DHRSX: variants seen among roughly 807,000 people sequenced by gnomAD.
DHRSX encodes the protein dehydrogenase/reductase X-linked, also known as polyprenol dehydrogenase.
In DHRSX, 31 loss-of-function variants were observed where a neutral mutation model predicts 34.0. That is an observed-to-expected ratio of 0.91 (90% CI 0.69 to 1.23). The LOEUF (loss-of-function observed/expected upper bound fraction) is 1.23, where lower values mean the gene tolerates loss of function less well. Among genes scored for constraint, DHRSX ranks in the 50% most tolerant of loss-of-function variants. The pLI is 0.00. For synonymous variants in DHRSX, 201 were observed against 183.8 expected (o/e 1.09, Z -0.76); for missense variants, 414 against 428.1 (o/e 0.97, Z 0.29).
rs2015501322 is a variant in DHRSX at position 2,220,714 on chromosome X, G to T, written c.*327C>A. The T allele has an allele frequency of 9.6e-6, 3 of 311,956 alleles. No individual in the cohort carries two copies. In the South Asian group the frequency reaches 2.9e-4, roughly 30 times the overall value. 19.3% of individuals were successfully genotyped at this position (311,956 alleles called of 1,614,324 possible). The stretch of plus-strand genomic sequence containing the variant: ...CCCTGAAAAGAGAGCATCTCTCTTG[G>T]AACTTTTGTACTCAGTTGTATTAAC... On this transcript the variant is annotated 3_prime_UTR_variant, in exon 7 of 7. Transcript: ENST00000334651.
chrX:2,362,816 TATC>T (rs1461190738), intron 3 of DHRSX, among the ~76,000 whole-genome samples: 1 of 143,474 alleles, frequency 7.0e-6, no homozygotes, highest in Non-Finnish European at 1.5e-5. Context: ...CGTTCTATGG[TATC>T]ATGCCTCCAT....
At chrX:2,394,565 G>C (rs1370295647) in intron 3 of DHRSX, among the ~76,000 whole-genome samples, 4 of 152,282 alleles carry the variant, frequency 2.6e-5, no homozygotes, top group African/African-American at 9.6e-5. Flanking sequence ...AGCTACAGAT[G>C]AGGATAAGAG....
At chrX:2,441,146 C>T (rs958762793) in intron 1 of DHRSX, among the ~76,000 whole-genome samples, 5 of 152,122 alleles carry the variant, frequency 3.3e-5, no homozygotes, top group African/African-American at 4.8e-5. Flanking sequence ...GATCACACCT[C>T]GGAGCTTTCC....
chrX:2,245,254 C>T (rs773431368), intron 5 of DHRSX, among the ~76,000 whole-genome samples: 25 of 152,236 alleles, frequency 1.6e-4, no homozygotes, highest in African/African-American at 5.8e-4. Flanking sequence ...GTCTCACCTA[C>T]CTGTGAGCTG....
intron 3 of DHRSX, among the ~76,000 whole-genome samples, chrX:2,399,957 A>C (rs2043466481): frequency 6.6e-6 from 1 of 151,944 alleles, no homozygotes; most frequent in Non-Finnish European, 1.5e-5. Flanking sequence ...GAAGTTTCCT[A>C]CTGAGGAGTT....
intron 5 of DHRSX, among the ~76,000 whole-genome samples, chrX:2,250,693 G>A (rs2016416070): frequency 6.6e-6 from 1 of 152,048 alleles, no homozygotes; most frequent in African/African-American, 2.4e-5. Flanking sequence ...TTATCAGCAG[G>A]GCCTTTGTGA....
At chrX:2,434,249 G>C (rs1239504512) in intron 1 of DHRSX, among the ~76,000 whole-genome samples, 4 of 152,210 alleles carry the variant, frequency 2.6e-5, no homozygotes, top group Non-Finnish European at 4.4e-5. Flanking sequence ...ACATGGAATA[G>C]GTTAAAAAGT....
At chrX:2,455,535 A>G (rs2044283487) in intron 1 of DHRSX, among the ~76,000 whole-genome samples, 1 of 152,032 alleles carries the variant, frequency 6.6e-6, no homozygotes, top group African/African-American at 2.4e-5. Context: ...TGAGGCCAGG[A>G]GTTCGAGACC....
intron 4 of DHRSX, 142 bp from the exon 5 acceptor site, chrX:2,267,089 C>G: frequency 3.9e-6 from 3 of 761,280 alleles, no homozygotes; most frequent in Non-Finnish European, 6.8e-6. Flanking sequence ...CCTCCTGGGC[C>G]TCTGTTTCCT....
intron 6 of DHRSX, among the ~76,000 whole-genome samples, chrX:2,228,770 G>T (rs143536075): frequency 0.016 from 2,492 of 152,170 alleles, 54 homozygotes; most frequent in African/African-American, 0.055. Flanking sequence ...ATAGCACCCA[G>T]GGCACACAGA....
chrX:2,469,420 G>A (rs1354181381), intron 1 of DHRSX, among the ~76,000 whole-genome samples: 2 of 151,808 alleles, frequency 1.3e-5, no homozygotes, highest in Non-Finnish European at 2.9e-5. Flanking sequence ...GCAGCCAAGC[G>A]ACGGCACTGA....
chrX:2,427,649 C>T (rs1021720427), intron 1 of DHRSX, among the ~76,000 whole-genome samples: 117 of 152,096 alleles, frequency 7.7e-4, no homozygotes, highest in Middle Eastern at 3.4e-3. Context: ...AGAATGACTC[C>T]TTGTACTGGG....
At chrX:2,406,114 A>T (rs1452525867) in intron 3 of DHRSX, among the ~76,000 whole-genome samples, 1 of 152,056 alleles carries the variant, frequency 6.6e-6, no homozygotes, top group African/African-American at 2.4e-5. Context: ...CAACATGGCG[A>T]AACCCCGTCT....
intron 3 of DHRSX, among the ~76,000 whole-genome samples, chrX:2,303,046 C>A (rs2042031908): frequency 1.3e-5 from 2 of 152,064 alleles, no homozygotes; most frequent in African/African-American, 4.8e-5. Flanking sequence ...AAGAGGAAAA[C>A]CCATACTACT....
intron 3 of DHRSX, among the ~76,000 whole-genome samples, chrX:2,320,114 C>T (rs1488421110): frequency 2.0e-5 from 3 of 151,832 alleles, no homozygotes; most frequent in African/African-American, 7.3e-5. Context: ...CAGTTGTGAG[C>T]CACTGTGCCC....
chrX:2,384,759 T>A (rs2043249472), intron 3 of DHRSX, among the ~76,000 whole-genome samples: 1 of 55,880 alleles, frequency 1.8e-5, no homozygotes. Flanking sequence ...CTGCGGACTG[T>A]TGTGGGGTGG....
At chrX:2,389,815 G>T (rs866502157) in intron 3 of DHRSX, among the ~76,000 whole-genome samples, 40 of 151,778 alleles carry the variant, frequency 2.6e-4, no homozygotes, top group Non-Finnish European at 5.4e-4. Context: ...GATTCTTGCC[G>T]TGTCACCCAG....
At chrX:2,369,854 G>T (rs1485874910) in intron 3 of DHRSX, among the ~76,000 whole-genome samples, 7 of 152,068 alleles carry the variant, frequency 4.6e-5, no homozygotes, top group Admixed American at 4.6e-4. Context: ...TGTTGGTCAG[G>T]CTGGTCTCAA....
intron 3 of DHRSX, among the ~76,000 whole-genome samples, chrX:2,331,448 T>TTTTTG (rs2042474969): frequency 7.5e-6 from 1 of 134,044 alleles, no homozygotes; most frequent in Non-Finnish European, 1.7e-5. Flanking sequence ...TTTTTTTTTT[T>TTTTTG]TTTTTTTTTT....
Sources: allele counts gnomAD v4.1 joint callset (sites outside exome capture counted in the v4.1 genomes callset), GRCh38; gene constraint gnomAD v4.1.1; transcripts MANE v1.5; gene names NCBI Gene and HGNC (gene_info 2026-07-23, HGNC 2026-07-21).